Variants in SGMS2 observed in about 807,000 individuals in gnomAD.
The protein encoded by SGMS2 is sphingomyelin synthase 2, also known as phosphatidylcholine:ceramide cholinephosphotransferase 2.
In SGMS2, 21 loss-of-function variants were observed where a neutral mutation model predicts 43.8. That is an observed-to-expected ratio of 0.48 (90% CI 0.34 to 0.69). The LOEUF (loss-of-function observed/expected upper bound fraction) is 0.69, where lower values mean the gene tolerates loss of function less well. Among genes scored for constraint, SGMS2 ranks in the 30% least tolerant of loss-of-function variants. SGMS2 has a pLI of 0.01. For synonymous variants in SGMS2, 167 were observed against 160.6 expected (o/e 1.04, Z -0.30); for missense variants, 384 against 443.2 (o/e 0.87, Z 1.20).
intron 2 of SGMS2, among the ~76,000 whole-genome samples, chr4:107,887,137 A>G (rs1378226808): frequency 1.3e-5 from 2 of 152,208 alleles, no homozygotes; most frequent in East Asian, 1.9e-4. Context: ...CTTAATATTC[A>G]TGAACATTTC....
chr4:107,870,952 T>G (rs1222360902), intron 2 of SGMS2, among the ~76,000 whole-genome samples: 3 of 152,222 alleles, frequency 2.0e-5, no homozygotes, highest in Admixed American at 1.3e-4. Flanking sequence ...AAATTACATC[T>G]TTTAGCTTCC....
In SGMS2 at chr4:107,911,855, T is replaced by C. The variant is rs978397229; in HGVS notation, c.*1302T>C. 3.3e-5 allele frequency: 5 copies of C among 152,232 alleles called. No homozygotes were observed. The highest frequency in any genetic ancestry group is 1.9e-4 in the East Asian group (1 of 5,206). 9.4% of individuals were successfully genotyped at this position (152,232 alleles called of 1,614,324 possible). A position where few individuals can be genotyped will look rare whatever the true frequency, so the allele number is the denominator to read the frequency against. On this transcript the variant is annotated 3_prime_UTR_variant, in exon 7 of 7. Coordinates refer to ENST00000690982, the MANE Select transcript of SGMS2 (RefSeq NM_001375905.1). ...TAATGTTACCAGATTTAGTGCATTA[T>C]TTAATGCTATTGGATCTTTTGGATA... is the stretch of plus-strand genomic sequence containing the variant.
At chr4:107,848,538 A>G (rs1726962699) in intron 1 of SGMS2, among the ~76,000 whole-genome samples, 1 of 152,194 alleles carries the variant, frequency 6.6e-6, no homozygotes, top group Non-Finnish European at 1.5e-5. Context: ...CCCACCAGCA[A>G]TGAATGAGAG....
At chr4:107,887,400 C>T (rs1240538404) in intron 2 of SGMS2, among the ~76,000 whole-genome samples, 3 of 152,184 alleles carry the variant, frequency 2.0e-5, no homozygotes, top group Non-Finnish European at 4.4e-5. Flanking sequence ...ATAATTATTA[C>T]TGATAATGTA....
intron 1 of SGMS2, among the ~76,000 whole-genome samples, chr4:107,846,318 T>C (rs1420429734): frequency 2.2e-5 from 3 of 138,316 alleles, no homozygotes; most frequent in Admixed American, 7.9e-5. Context: ...TGTGTCCATG[T>C]GTTCTCATTG....
At chr4:107,894,700 A>G (rs1251314772) in intron 2 of SGMS2, among the ~76,000 whole-genome samples, 1 of 152,122 alleles carries the variant, frequency 6.6e-6, no homozygotes, top group Non-Finnish European at 1.5e-5. Flanking sequence ...TTTCTTGTAT[A>G]TGGTGTGCGT....
intron 2 of SGMS2, 50 bp from the exon 3 acceptor site, chr4:107,895,260 T>C (rs1730572153): frequency 3.0e-6 from 1 of 335,802 alleles, no homozygotes. Context: ...TTTGGATGGT[T>C]GACAGTTGGA....
chr4:107,878,747 C>T (rs1234901679), intron 2 of SGMS2, among the ~76,000 whole-genome samples: 1 of 152,170 alleles, frequency 6.6e-6, no homozygotes, highest in Non-Finnish European at 1.5e-5. Context: ...CCCAGGGCTG[C>T]AATTTCTCTC....
At chr4:107,834,399 G>A (rs1726059061) in intron 1 of SGMS2, among the ~76,000 whole-genome samples, 1 of 152,178 alleles carries the variant, frequency 6.6e-6, no homozygotes, top group Non-Finnish European at 1.5e-5. Flanking sequence ...AGCAGGTAGA[G>A]CCACTTGAAT....
intron 2 of SGMS2, among the ~76,000 whole-genome samples, chr4:107,886,488 A>G (rs1183267169): frequency 6.6e-6 from 1 of 150,458 alleles, no homozygotes; most frequent in Non-Finnish European, 1.5e-5. Context: ...TACTGAAATT[A>G]CAGGTATGAG....
In SGMS2 at chr4:107,913,858, A is replaced by G. The variant is rs1732277704; in HGVS notation, c.*3305A>G. 6.6e-6 allele frequency: 1 copy of G among 152,108 alleles called. No individual in the cohort carries two copies. Among genetic ancestry groups the G allele is most frequent in the Non-Finnish European group, 1.5e-5 (1 of 68,002 alleles). The allele number at this position is 152,108 out of a possible 1,614,324, so 9.4% of individuals were successfully genotyped here. A position where few individuals can be genotyped will look rare whatever the true frequency, so the allele number is the denominator to read the frequency against. On this transcript the variant is annotated 3_prime_UTR_variant, in exon 7 of 7. Transcript: ENST00000690982. ...TCATGCAGTTTCTTTTTTAGTTGAA[A>G]GTTCACATCTTGCCCCTTGAATAGT...
chr4:107,841,304 C>T (rs1726483926), intron 1 of SGMS2, among the ~76,000 whole-genome samples: 1 of 152,130 alleles, frequency 6.6e-6, no homozygotes, highest in South Asian at 2.1e-4. Flanking sequence ...CTGGGTTCCT[C>T]TTGCAGAGTT....
chr4:107,878,510 C>T (rs916376885), intron 2 of SGMS2, among the ~76,000 whole-genome samples: 1 of 152,172 alleles, frequency 6.6e-6, no homozygotes, highest in African/African-American at 2.4e-5. Context: ...CAGTCTTCTT[C>T]TGTCTTCAGG....
intron 2 of SGMS2, among the ~76,000 whole-genome samples, chr4:107,877,913 C>CTTTTTTTTTTTTTTTTTTT (rs774442653): frequency 2.2e-4 from 22 of 102,178 alleles, no homozygotes; most frequent in South Asian, 3.0e-4. Flanking sequence ...TTTTTCTTTT[C>CTTTTTTTTTTTTTTTTTTT]TTTTTTTTTT....
At chr4:107,884,435 A>G (rs981408307) in intron 2 of SGMS2, among the ~76,000 whole-genome samples, 13 of 152,198 alleles carry the variant, frequency 8.5e-5, no homozygotes, top group African/African-American at 2.9e-4. Context: ...GCCATGAGAG[A>G]TAAGATGAAA....
intron 2 of SGMS2, chr4:107,864,002 A>G (rs1727934776): frequency 6.6e-6 from 1 of 152,316 alleles, no homozygotes; most frequent in Non-Finnish European, 1.5e-5. Context: ...AGGAACACCA[A>G]CACAAACAGG....
intron 3 of SGMS2, 55 bp from the exon 4 acceptor site, chr4:107,899,520 A>G (rs1175033918): frequency 8.4e-7 from 1 of 1,187,124 alleles, no homozygotes; most frequent in Non-Finnish European, 1.2e-6. Flanking sequence ...ATTTTTCATT[A>G]GGAGTAAAAC....
In SGMS2 at chr4:107,910,371, A is replaced by T; in HGVS notation, c.916A>T (p.Thr306Ser). Residue 306 changes from threonine to serine, a missense_variant, in exon 7 of 7, where the codon ACT becomes TCT. Thr to Ser is a moderately conservative substitution (Grantham distance 58, BLOSUM62 1). Transcript: ENST00000690982. ...NEKNLKVSSQ[T>S]NFLSRAWWFP... The stretch of plus-strand genomic sequence containing the variant: ...ACAGAACTTGAAGGTCTCTTCACAG[A>T]CTAATTTCTTATCTCGAGCATGGTG... The T allele has an allele frequency of 1.2e-6, 2 of 1,614,088 alleles. No individual in the cohort carries two copies. The highest frequency in any genetic ancestry group is 1.7e-6 in the Non-Finnish European group (2 of 1,179,978).
intron 2 of SGMS2, among the ~76,000 whole-genome samples, chr4:107,887,860 A>G (rs1179195583): frequency 6.6e-6 from 1 of 152,212 alleles, no homozygotes; most frequent in African/African-American, 2.4e-5. Flanking sequence ...TTTATAAACC[A>G]TAAAATTTTA....
Sources: allele counts gnomAD v4.1 joint callset (sites outside exome capture counted in the v4.1 genomes callset), GRCh38; gene constraint gnomAD v4.1.1; transcripts MANE v1.5; gene names NCBI Gene and HGNC (gene_info 2026-07-23, HGNC 2026-07-21).